ASS1: variants seen among roughly 807,000 people sequenced by gnomAD.
The protein encoded by ASS1 is argininosuccinate synthase 1.
ASS1 carries 58 observed loss-of-function variants against 60.5 expected under a neutral mutation model. The observed-to-expected ratio is 0.96, with a 90% CI of 0.78 to 1.19. The LOEUF (loss-of-function observed/expected upper bound fraction) is 1.19, where lower values mean the gene tolerates loss of function less well. ASS1 is among the 50% of genes most tolerant of loss of function. The pLI is 0.00. For missense variants in ASS1, 454 were observed against 547.3 expected, an observed-to-expected ratio of 0.83 and a Z score of 1.70; for synonymous variants, 200 against 206.9, an observed-to-expected ratio of 0.97 and a Z score of 0.29.
At chr9:130,497,408 C>T (rs1035464806) in intron 13 of ASS1, among the ~76,000 whole-genome samples, 2 of 150,876 alleles carry the variant, frequency 1.3e-5, no homozygotes, top group African/African-American at 4.9e-5. Context: ...TAGAAAGTAA[C>T]GTAATTATAG....
chr9:130,496,964 A>G (rs2118887487), intron 13 of ASS1, among the ~76,000 whole-genome samples: 1 of 152,354 alleles, frequency 6.6e-6, no homozygotes, highest in Non-Finnish European at 1.5e-5. Flanking sequence ...TTTGGCAGTC[A>G]ATATTATTTT....
At position 130,501,132 on chromosome 9, in the gene ASS1, G is replaced by C. The variant is rs1011546800; in HGVS notation, c.*111G>C. ...TGACTTGTTCTCCCCGGCTGGCAGC[G>C]TAGTGGGGCTGCCAGGCCCCAGCTT... On this transcript the variant is annotated 3_prime_UTR_variant, in exon 15 of 15. Coordinates refer to ENST00000352480, the MANE Select transcript of ASS1 (RefSeq NM_054012.4). 1 of 1,243,540 alleles carries C rather than the reference G, an allele frequency of 8.0e-7. No homozygotes were observed. 77.0% of individuals were successfully genotyped at this position (1,243,540 alleles called of 1,614,324 possible).
chr9:130,463,891 A>T (rs2131879473), intron 4 of ASS1, among the ~76,000 whole-genome samples: 1 of 151,696 alleles, frequency 6.6e-6, no homozygotes, highest in Middle Eastern at 3.4e-3. Flanking sequence ...CACCCACGTG[A>T]CATGTGTGCC....
chr9:130,452,820 TC>T (rs1332270385), intron 2 of ASS1, among the ~76,000 whole-genome samples: 1 of 152,168 alleles, frequency 6.6e-6, no homozygotes, highest in African/African-American at 2.4e-5. Context: ...TGAAGCCACT[TC>T]CTCATCCAGG....
chr9:130,453,945 G>A (rs1845380247), intron 2 of ASS1, among the ~76,000 whole-genome samples: 1 of 152,244 alleles, frequency 6.6e-6, no homozygotes, highest in Non-Finnish European at 1.5e-5. Context: ...TCTTTGCACT[G>A]GCTGAGAAAG....
intron 8 of ASS1, among the ~76,000 whole-genome samples, chr9:130,474,001 C>T (rs1368632486): frequency 8.2e-6 from 1 of 121,718 alleles, no homozygotes; most frequent in East Asian, 2.4e-4. Flanking sequence ...TTCGCCCTCT[C>T]CCCCTAGCCC....
intron 4 of ASS1, among the ~76,000 whole-genome samples, chr9:130,460,290 T>C (rs1206758023): frequency 6.6e-6 from 1 of 152,244 alleles, no homozygotes; most frequent in East Asian, 1.9e-4. Flanking sequence ...ACCTGTCATG[T>C]CTTTGAAAGT....
rs1248148443 is a variant in ASS1, at chr9:130,458,381, C to T, written c.175-20C>T. On this transcript the variant is annotated intron_variant, in intron 3 of 14. Transcript: ENST00000352480. ...CCCTGTCCTTGCCTACTTCTTCCTT[C>T]TGGGCTCCTCTTCCCGTAGGTGTTC... The T allele has an allele frequency of 1.2e-6, 2 of 1,612,006 alleles. No individual in the cohort carries two copies. The highest frequency in any genetic ancestry group is 3.3e-5 in the Admixed American group (2 of 60,018).
Position 130,460,005 on chromosome 9 carries a change from A to G in ASS1, c.363+1416A>G, listed in dbSNP as rs537560324. Among the ~76,000 whole-genome samples, 13 of 152,352 alleles carry G rather than the reference A, an allele frequency of 8.5e-5. No homozygotes were observed. The East Asian group carries it at 2.3e-3, about 27-fold the overall frequency. ...CGATGTTTTTATAAAGACCCAAGTC[A>G]TGAGCTCTCAGTCAGCGGACAGCAT... On this transcript the variant is annotated intron_variant, in intron 4 of 14. Coordinates refer to ENST00000352480, the MANE Select transcript of ASS1 (RefSeq NM_054012.4).
intron 6 of ASS1, among the ~76,000 whole-genome samples, chr9:130,467,616 G>A (rs1845775726): frequency 6.6e-6 from 1 of 152,192 alleles, no homozygotes; most frequent in Admixed American, 6.5e-5. Context: ...TGGGAGGGAA[G>A]ACCTTCTCCA....
At chr9:130,461,938 G>A (rs1167292375) in intron 4 of ASS1, among the ~76,000 whole-genome samples, 1 of 152,206 alleles carries the variant, frequency 6.6e-6, no homozygotes, top group Non-Finnish European at 1.5e-5. Flanking sequence ...GGCCTGGGAT[G>A]TGAGGGGGAA....
chr9:130,448,326 A>T (rs1270815845), intron 1 of ASS1, among the ~76,000 whole-genome samples: 1 of 151,986 alleles, frequency 6.6e-6, no homozygotes, highest in Non-Finnish European at 1.5e-5. Flanking sequence ...GCACACAGGC[A>T]CACATGTGCA....
chr9:130,458,060 G>C (rs1378529210), intron 3 of ASS1, among the ~76,000 whole-genome samples: 3 of 151,958 alleles, frequency 2.0e-5, no homozygotes, highest in African/African-American at 7.3e-5. Context: ...TCAAGAGGCT[G>C]AGGCAGGGGA....
chr9:130,472,008 C>T (rs745729214), intron 8 of ASS1, among the ~76,000 whole-genome samples: 8 of 152,144 alleles, frequency 5.3e-5, no homozygotes, highest in South Asian at 2.1e-4. Context: ...GCTTCCCGGG[C>T]GGGCTGGACT....
intron 10 of ASS1, 136 bp downstream of exon 10, chr9:130,479,936 CAG>C (rs1846126971): frequency 9.5e-7 from 1 of 1,057,664 alleles, no homozygotes; most frequent in Non-Finnish European, 1.5e-6. Context: ...CCCATAGCCA[CAG>C]AGTTTCCCGG....
Position 130,470,051 on chromosome 9 carries a change from C to T in ASS1, c.496-783C>T, listed in dbSNP as rs941842332. Among the ~76,000 whole-genome samples, 5 of 152,118 alleles carry T rather than the reference C, an allele frequency of 3.3e-5. No individual in the cohort carries two copies. Among genetic ancestry groups the T allele is most frequent in the African/African-American group, 9.7e-5 (4 of 41,406 alleles). On this transcript the variant is annotated intron_variant, in intron 6 of 14. Coordinates refer to ENST00000352480, the MANE Select transcript of ASS1 (RefSeq NM_054012.4). This position sits in a 1 kb window ranked among gnomAD's most constrained non-coding sequence, Gnocchi z 4.3. Reference sequence around the variant, plus strand: ...GAGTGCAGGAGGAGGCTGGAGTGCACGAGCTGGATTCCAGTCGGGCGTCAT... The same window carrying T: ...GAGTGCAGGAGGAGGCTGGAGTGCATGAGCTGGATTCCAGTCGGGCGTCAT...
intron 8 of ASS1, among the ~76,000 whole-genome samples, chr9:130,475,314 C>G (rs1363161721): frequency 2.0e-5 from 3 of 152,168 alleles, no homozygotes; most frequent in Non-Finnish European, 2.9e-5. Context: ...CAGGCCTTCC[C>G]TGACATTTTC....
At chr9:130,484,020 A>G (rs1846238380) in intron 11 of ASS1, among the ~76,000 whole-genome samples, 1 of 152,124 alleles carries the variant, frequency 6.6e-6, no homozygotes, top group Admixed American at 6.5e-5. Flanking sequence ...AAAGGTTTTC[A>G]GCCCCAGAGG....
intron 3 of ASS1, 116 bp downstream of exon 3, chr9:130,454,489 G>A: frequency 1.8e-6 from 2 of 1,138,310 alleles, no homozygotes; most frequent in Non-Finnish European, 2.6e-6. Flanking sequence ...TTGCTTCTAA[G>A]AGTATGAGAT....
Sources: allele counts gnomAD v4.1 joint callset (sites outside exome capture counted in the v4.1 genomes callset), GRCh38; gene constraint gnomAD v4.1.1; non-coding constraint Gnocchi (gnomAD v3.1); transcripts MANE v1.5; gene names NCBI Gene and HGNC (gene_info 2026-07-23, HGNC 2026-07-21).